Variants in MTRES1 observed in about 807,000 individuals in gnomAD.
The protein encoded by MTRES1 is uncharacterized protein C6orf203.
Under a neutral mutation model 17.4 loss-of-function variants are expected in MTRES1, and 11 were observed. The ratio of observed to expected loss-of-function variants is 0.63; its 90% CI spans 0.40 to 1.05. MTRES1 has a LOEUF of 1.05. Among genes scored for constraint, MTRES1 ranks in the 50% least tolerant of loss-of-function variants. The pLI is 0.00. For missense variants in MTRES1, 268 were observed against 276.2 expected, an observed-to-expected ratio of 0.97 and a Z score of 0.21; for synonymous variants, 94 against 99.6, an observed-to-expected ratio of 0.94 and a Z score of 0.34.
chr6:107,051,091 G>A lies in MTRES1; in HGVS notation c.578G>A (p.Gly193Glu), dbSNP rs781810219. The A allele has an allele frequency of 1.2e-6, 2 of 1,613,584 alleles. No individual in the cohort carries two copies. Among genetic ancestry groups the A allele is most frequent in the Non-Finnish European group, 1.7e-6 (2 of 1,179,704 alleles). Reference sequence around the variant, plus strand: ...GGAGATACATTGGATCTTCTCATTGGAGAGGATAAAGAAGCAGGAACAGAG... The same window carrying A: ...GGAGATACATTGGATCTTCTCATTGAAGAGGATAAAGAAGCAGGAACAGAG... ...KVGDTLDLLI[G>E]EDKEAGTETV... The change falls in exon 4 of 4, where the codon GGA becomes GAA. Residue 193 changes from glycine (G) to glutamate (E), a missense_variant. Transcript: ENST00000311381.
chr6:107,033,646 G>C lies in MTRES1; in HGVS notation c.-13+5375G>C, dbSNP rs999607544. Among the ~76,000 whole-genome samples, 4 of 152,028 alleles carry C rather than the reference G, an allele frequency of 2.6e-5. 1 individual carries two copies. Among genetic ancestry groups the C allele is most frequent in the Non-Finnish European group, 2.9e-5 (2 of 68,004 alleles). ...ATCCTAGCTAACATGGTGAAACCCCGTCTCTACCAAAGATACAAAAAATTA... is the reference window on the plus strand; with the variant it reads ...ATCCTAGCTAACATGGTGAAACCCCCTCTCTACCAAAGATACAAAAAATTA... On this transcript the variant is annotated intron_variant, in intron 1 of 3. Transcript: ENST00000311381.
chr6:107,041,326 C>G (rs1554227749), intron 2 of MTRES1, among the ~76,000 whole-genome samples: 1 of 151,064 alleles, frequency 6.6e-6, no homozygotes, highest in Non-Finnish European at 1.5e-5. Context: ...CTTTCTGACC[C>G]TCAGTTTTCT....
At chr6:107,047,039 T>C (rs558247986) in intron 3 of MTRES1, among the ~76,000 whole-genome samples, 2 of 151,806 alleles carry the variant, frequency 1.3e-5, no homozygotes, top group South Asian at 4.2e-4. Flanking sequence ...CCTGACCTTG[T>C]GATCCACCTG....
chr6:107,046,836 A>C (rs1554228435), intron 3 of MTRES1, among the ~76,000 whole-genome samples: 1 of 152,084 alleles, frequency 6.6e-6, no homozygotes, highest in Non-Finnish European at 1.5e-5. Context: ...ATGGGGATTG[A>C]ATCCTTCCTA....
Position 107,030,328 on chromosome 6 carries a change from G to A in MTRES1, c.-13+2057G>A, listed in dbSNP as rs1367371535. ...AATGACTTTATTATGTGCCCACGTG[G>A]AGGTGTCAAATAGGCAGCTATTGTG... On this transcript the variant is annotated intron_variant, in intron 1 of 3. Coordinates refer to ENST00000311381, the MANE Select transcript of MTRES1 (RefSeq NM_016487.5). 4.6e-5 allele frequency among the ~76,000 whole-genome samples: 7 copies of A among 152,194 alleles called. No homozygotes were observed. In the East Asian group the frequency reaches 1.3e-3, roughly 29 times the overall value.
At position 107,040,335 on chromosome 6, in the gene MTRES1, A is replaced by G. The variant is rs527782687; in HGVS notation, c.470+105A>G. 4 of 1,015,300 alleles carry G rather than the reference A, an allele frequency of 3.9e-6. No homozygotes were observed. In the South Asian group the frequency reaches 7.9e-5, roughly 20 times the overall value. The allele number at this position is 1,015,300 out of a possible 1,614,324, so 62.9% of individuals were successfully genotyped here. On this transcript the variant is annotated intron_variant, in intron 2 of 3. Transcript: ENST00000311381. ...TATTATGGTGAAGAATAACCACAAT[A>G]AAAGGACCTTTGTAGGTAACCTGTT...
In MTRES1 at chr6:107,042,339, C is replaced by CAAA. The variant is rs58406771; in HGVS notation, c.471-1905_471-1903dup. ...TGGGCAACAAAGTGGGACTCCGTCT[C>CAAA]AAAAAAAAAAAAAAAAAAGGTTCAT... On this transcript the variant is annotated intron_variant, in intron 2 of 3. Coordinates refer to ENST00000311381, the MANE Select transcript of MTRES1 (RefSeq NM_016487.5). Among the ~76,000 whole-genome samples, 639 of 98,272 alleles carry CAAA rather than the reference C, an allele frequency of 6.5e-3. 12 individuals carry two copies. Among genetic ancestry groups the CAAA allele is most frequent in the African/African-American group, 0.018 (422 of 23,696 alleles). The allele number at this position is 98,272 out of a possible 152,430, so 64.5% of individuals were successfully genotyped here.
chr6:107,046,393 T>G (rs1324409275), intron 3 of MTRES1, among the ~76,000 whole-genome samples: 1 of 146,870 alleles, frequency 6.8e-6, no homozygotes, highest in Non-Finnish European at 1.5e-5. Flanking sequence ...TGCTTCATTC[T>G]GCCTTGGGTG....
rs144394567 is a variant in MTRES1, at chr6:107,039,911, C to T, written c.151C>T (p.Arg51Cys). 130 of 1,613,816 alleles carry T rather than the reference C, an allele frequency of 8.1e-5. No individual in the cohort carries two copies. The highest frequency in any genetic ancestry group is 7.5e-5 in the Non-Finnish European group (89 of 1,179,862). ...CTTGTATTTTTCTAGTACCAAGTTA[C>T]GTGCACCAAATTATAAAACACTTTT... ...RYLYFSSTKL[R>C]APNYKTLFYN... The change falls in exon 2 of 4, where the codon CGT becomes TGT. Residue 51 changes from arginine (R) to cysteine (C), a missense_variant. Transcript: ENST00000311381.
intron 2 of MTRES1, among the ~76,000 whole-genome samples, chr6:107,041,094 CA>C (rs1278471981): frequency 1.3e-5 from 2 of 150,284 alleles, no homozygotes; most frequent in Non-Finnish European, 2.9e-5. Context: ...GGCGTGGTGG[CA>C]GGCGCCTGTA....
intron 1 of MTRES1, among the ~76,000 whole-genome samples, chr6:107,033,686 C>T (rs1337663310): frequency 1.3e-5 from 2 of 151,990 alleles, no homozygotes; most frequent in African/African-American, 2.4e-5. Context: ...GGCGTGGTGG[C>T]GGGTGCCTGT....
chr6:107,039,842 G>C lies in MTRES1; in HGVS notation c.82G>C (p.Gly28Arg), dbSNP rs201039408. The C allele has an allele frequency of 6.2e-7, 1 of 1,614,030 alleles. No homozygotes were observed. Among genetic ancestry groups the C allele is most frequent in the Non-Finnish European group, 8.5e-7 (1 of 1,180,002 alleles). ...AWIGLWGVLR[G>R]TPSSYKLCTS... is the part of the protein sequence containing the mutation. ...GATTGGACTCTGGGGTGTTCTCCGA[G>C]GGACACCTTCATCATACAAACTCTG... is the stretch of plus-strand genomic sequence containing the variant. Residue 28 changes from glycine to arginine, a missense_variant, in exon 2 of 4, where the codon GGG becomes CGG. Physicochemically the swap from Gly to Arg is moderately radical, Grantham distance 125 (BLOSUM62 -2). Transcript: ENST00000311381.
intron 3 of MTRES1, among the ~76,000 whole-genome samples, chr6:107,048,371 G>T (rs1466307525): frequency 1.3e-5 from 2 of 151,854 alleles, no homozygotes; most frequent in Non-Finnish European, 2.9e-5. Context: ...CTGACCTCGT[G>T]ATCCACCCTC....
At chr6:107,049,408 CTT>C (rs782057719) in intron 3 of MTRES1, among the ~76,000 whole-genome samples, 9 of 99,376 alleles carry the variant, frequency 9.1e-5, no homozygotes, top group South Asian at 7.3e-4. Flanking sequence ...TATGGCCCTT[CTT>C]TTTTTTTTTT....
rs1236600298 is a variant in MTRES1, at chr6:107,051,416, C to A, written c.*180C>A. The A allele has an allele frequency of 3.7e-6, 2 of 547,798 alleles. No homozygotes were observed. Among genetic ancestry groups the A allele is most frequent in the Non-Finnish European group, 6.3e-6 (2 of 315,034 alleles). 33.9% of individuals were successfully genotyped at this position (547,798 alleles called of 1,614,324 possible). A position where few individuals can be genotyped will look rare whatever the true frequency, so the allele number is the denominator to read the frequency against. ...CCCAAGGCCTGCCTCACCTCCACCCCCTGCCCACCTTGATCCATGCTCCTT... is the reference window on the plus strand; with the variant it reads ...CCCAAGGCCTGCCTCACCTCCACCCACTGCCCACCTTGATCCATGCTCCTT... On this transcript the variant is annotated 3_prime_UTR_variant, in exon 4 of 4. Transcript: ENST00000311381.
At chr6:107,035,944 C>T (rs535053325) in intron 1 of MTRES1, among the ~76,000 whole-genome samples, 4 of 152,192 alleles carry the variant, frequency 2.6e-5, no homozygotes, top group East Asian at 1.9e-4. Flanking sequence ...CCACCACACC[C>T]GTCCAGTTTT....
At chr6:107,048,256 T>C (rs1001086795) in intron 3 of MTRES1, among the ~76,000 whole-genome samples, 2 of 151,864 alleles carry the variant, frequency 1.3e-5, no homozygotes, top group African/African-American at 4.8e-5. Flanking sequence ...TGCTTCAGCC[T>C]CCAGAGTACC....
Position 107,040,099 on chromosome 6 carries a change from T to C in MTRES1, c.339T>C (p.Asp113=), listed in dbSNP as rs2114956170. 1 of 1,613,826 alleles carries C rather than the reference T, an allele frequency of 6.2e-7. No individual in the cohort carries two copies. The highest frequency in any genetic ancestry group is 8.5e-7 in the Non-Finnish European group (1 of 1,180,016). The change falls in exon 2 of 4, where the codon GAT becomes GAC. Residue 113 remains aspartate (D), a synonymous_variant. Coordinates refer to ENST00000311381, the MANE Select transcript of MTRES1 (RefSeq NM_016487.5). ...EEDSDEESHH[D]EMSEQEEELE... ...ACTCTGATGAAGAAAGCCATCATGATGAGATGAGTGAGCAGGAAGAGGAGC... is the reference window on the plus strand; with the variant it reads ...ACTCTGATGAAGAAAGCCATCATGACGAGATGAGTGAGCAGGAAGAGGAGC...
chr6:107,032,899 T>A (rs1773891253), intron 1 of MTRES1, among the ~76,000 whole-genome samples: 1 of 152,174 alleles, frequency 6.6e-6, no homozygotes, highest in African/African-American at 2.4e-5. Flanking sequence ...TGCTCTGCGC[T>A]CCAGCTGGTG....
Sources: gnomAD v4.1 joint callset for allele counts (sites outside exome capture counted in the v4.1 genomes callset) on GRCh38, gnomAD v4.1.1 for gene constraint, MANE v1.5 for transcripts, NCBI Gene and HGNC (gene_info 2026-07-23, HGNC 2026-07-21) for gene names.